The following PRR16 variants were observed in gnomAD, a reference collection of about 807,000 sequenced individuals.
The protein encoded by PRR16 is protein Largen.
In PRR16, 6 loss-of-function variants were observed where a neutral mutation model predicts 18.2. The ratio of observed to expected loss-of-function variants is 0.33; its 90% CI spans 0.18 to 0.65. The LOEUF (loss-of-function observed/expected upper bound fraction) is 0.65, where lower values mean the gene tolerates loss of function less well. Among genes scored for constraint, PRR16 ranks in the 30% least tolerant of loss-of-function variants. PRR16 has a pLI of 0.74. For missense variants in PRR16, 412 were observed against 376.6 expected (o/e 1.09, Z -0.78); for synonymous variants, 151 against 147.8 (o/e 1.02, Z -0.16).
intron 1 of PRR16, among the ~76,000 whole-genome samples, chr5:120,620,893 G>T (rs528353023): frequency 2.0e-5 from 3 of 152,178 alleles, no homozygotes; most frequent in South Asian, 2.1e-4. Flanking sequence ...GTCTCCATTG[G>T]ATGTTTAATA....
the PRR16 span, among the ~76,000 whole-genome samples, chr5:120,707,337 A>G: frequency 5.3e-5 from 8 of 152,144 alleles, no homozygotes; most frequent in African/African-American, 1.7e-4. Flanking sequence ...GATTTTACCA[A>G]TACACTTCAG....
chr5:120,733,194 G>A, the PRR16 span, among the ~76,000 whole-genome samples: 1 of 152,052 alleles, frequency 6.6e-6, no homozygotes, highest in Non-Finnish European at 1.5e-5. Context: ...CACCCAGGCT[G>A]GAGTGCAGTG....
At chr5:120,610,886 G>A (rs1754312787) in intron 1 of PRR16, among the ~76,000 whole-genome samples, 1 of 152,206 alleles carries the variant, frequency 6.6e-6, no homozygotes, top group African/African-American at 2.4e-5. Flanking sequence ...GGTTGGAACA[G>A]TTTGGAGGAC....
chr5:120,716,939 T>G, the PRR16 span, among the ~76,000 whole-genome samples: 2 of 151,454 alleles, frequency 1.3e-5, no homozygotes, highest in South Asian at 4.2e-4. Context: ...AATGCAGGAG[T>G]GAGTGAATGA....
intron 1 of PRR16, among the ~76,000 whole-genome samples, chr5:120,605,337 A>C (rs1175391462): frequency 6.6e-6 from 1 of 152,202 alleles, no homozygotes; most frequent in Non-Finnish European, 1.5e-5. Context: ...TTCAAATTGC[A>C]TTATTAAATT....
At chr5:120,735,924 G>C in the PRR16 span, among the ~76,000 whole-genome samples, 1 of 151,990 alleles carries the variant, frequency 6.6e-6, no homozygotes, top group African/African-American at 2.4e-5. Context: ...TTTCTCCTAT[G>C]TTTGCTTCTA....
downstream of PRR16, among the ~76,000 whole-genome samples, chr5:120,692,245 A>T (rs78521804): frequency 0.058 from 8,775 of 152,344 alleles, 324 homozygotes; most frequent in South Asian, 0.087. Flanking sequence ...AAGATAGACT[A>T]GGCTGTATGC....
At chr5:120,627,760 C>T (rs778889538) in intron 1 of PRR16, among the ~76,000 whole-genome samples, 5 of 152,020 alleles carry the variant, frequency 3.3e-5, no homozygotes, top group Non-Finnish European at 7.4e-5. Flanking sequence ...AGTTATTCTT[C>T]CCCCAAAATA....
intron 1 of PRR16, among the ~76,000 whole-genome samples, chr5:120,575,633 A>G (rs901876517): frequency 1.1e-4 from 16 of 152,106 alleles, no homozygotes; most frequent in African/African-American, 3.9e-4. Context: ...TCAACAAACT[A>G]TACAAGAAAC....
the PRR16 span, among the ~76,000 whole-genome samples, chr5:120,705,088 AG>A: frequency 6.6e-6 from 1 of 151,880 alleles, no homozygotes; most frequent in African/African-American, 2.4e-5. Context: ...TAAAAAAAAA[AG>A]GAGAGTACAT....
chr5:120,646,051 TA>T (rs1561591304), intron 1 of PRR16, among the ~76,000 whole-genome samples: 7 of 98,064 alleles, frequency 7.1e-5, no homozygotes, highest in South Asian at 6.0e-4. Flanking sequence ...ACATATTTTA[TA>T]TATATATATA....
chr5:120,520,998 T>C (rs1351478817), intron 1 of PRR16, among the ~76,000 whole-genome samples: 1 of 152,068 alleles, frequency 6.6e-6, no homozygotes, highest in Non-Finnish European at 1.5e-5. Flanking sequence ...GAAACATCAA[T>C]AAGGGAATAA....
At chr5:120,483,829 C>T (rs542560555) in intron 1 of PRR16, among the ~76,000 whole-genome samples, 1 of 152,088 alleles carries the variant, frequency 6.6e-6, no homozygotes, top group East Asian at 1.9e-4. Context: ...ATTAAGTGGG[C>T]AAAGAAATAC....
At chr5:120,481,609 A>G (rs561414537) in intron 1 of PRR16, among the ~76,000 whole-genome samples, 1 of 152,286 alleles carries the variant, frequency 6.6e-6, no homozygotes. Context: ...AGCAGATTAC[A>G]TTAATCAATA....
the PRR16 span, among the ~76,000 whole-genome samples, chr5:120,693,860 C>T: frequency 2.6e-5 from 4 of 152,128 alleles, no homozygotes; most frequent in African/African-American, 7.2e-5. Flanking sequence ...ATATGTATTA[C>T]CCCTGCTTAA....
the PRR16 span, among the ~76,000 whole-genome samples, chr5:120,704,766 AAAT>A: frequency 9.9e-5 from 15 of 152,184 alleles, no homozygotes; most frequent in African/African-American, 3.6e-4. Context: ...AACAATAATT[AAAT>A]AATACAATAC....
At chr5:120,601,663 T>C (rs982294387) in intron 1 of PRR16, among the ~76,000 whole-genome samples, 8 of 151,976 alleles carry the variant, frequency 5.3e-5, no homozygotes, top group Admixed American at 3.9e-4. Flanking sequence ...CCATGGTGTT[T>C]CCTAGGTTTT....
intron 1 of PRR16, among the ~76,000 whole-genome samples, chr5:120,522,000 C>G (rs1751197856): frequency 6.6e-6 from 1 of 152,208 alleles, no homozygotes; most frequent in African/African-American, 2.4e-5. Flanking sequence ...AGGACATGCA[C>G]TCATCCTTTT....
In PRR16 at chr5:120,675,645, A is replaced by G. The variant is rs147216099; in HGVS notation, c.160-10309A>G. Among the ~76,000 whole-genome samples, 11 of 152,264 alleles carry G rather than the reference A, an allele frequency of 7.2e-5. No homozygotes were observed. In the East Asian group the frequency reaches 2.1e-3, roughly 29 times the overall value. ...TATTCTTACTTCTTTACTCTCATTT[A>G]AAGATGATCTGAGGAGGAAGACATG... is the stretch of plus-strand genomic sequence containing the variant. On this transcript the variant is annotated intron_variant, in intron 1 of 1. Transcript: ENST00000407149.
Sources: allele counts gnomAD v4.1 joint callset (sites outside exome capture counted in the v4.1 genomes callset), GRCh38; gene constraint gnomAD v4.1.1; transcripts MANE v1.5; gene names NCBI Gene and HGNC (gene_info 2026-07-23, HGNC 2026-07-21).